The following PRPF19 variants were observed in gnomAD, a reference collection of about 807,000 sequenced individuals.
The protein encoded by PRPF19 is pre-mRNA-processing factor 19.
Under a neutral mutation model 64.2 loss-of-function variants are expected in PRPF19, and 2 were observed. That is an observed-to-expected ratio of 0.03 (90% CI 0.01 to 0.10). The LOEUF (loss-of-function observed/expected upper bound fraction) is 0.10, where lower values mean the gene tolerates loss of function less well. Among genes scored for constraint, PRPF19 ranks in the 10% least tolerant of loss-of-function variants. The probability of loss-of-function intolerance (pLI) is 1.00; values close to 1 mark genes in which losing one functional copy is unlikely to be tolerated. For synonymous variants in PRPF19, 226 were observed against 251.6 expected (o/e 0.90, Z 0.96); for missense variants, 314 against 650.0 (o/e 0.48, Z 5.62).
In PRPF19 at chr11:60,900,855, A is replaced by G. The variant is rs773232408; in HGVS notation, c.717T>C (p.Thr239=). ...LCPSDTNKIL[T]GGADKNVVVF... is the part of the protein sequence containing the mutation. ...GCCGGGCTAGGCCCAGACTCTCACC[A>G]GTGAGGATCTTGTTGGTGTCGGACG... The change falls in exon 9 of 16, where the codon ACT becomes ACC. Residue 239 remains threonine (T), a splice_region_variant and synonymous_variant. Transcript: ENST00000227524. 2.5e-6 allele frequency: 4 copies of G among 1,614,136 alleles called. No homozygotes were observed. Among genetic ancestry groups the G allele is most frequent in the Non-Finnish European group, 2.5e-6 (3 of 1,179,996 alleles).
intron 8 of PRPF19, 54 bp downstream of exon 8, chr11:60,901,241 C>T (rs1283316579): frequency 3.1e-6 from 5 of 1,597,216 alleles, no homozygotes; most frequent in Non-Finnish European, 4.3e-6. Flanking sequence ...CCCGCCCACC[C>T]CAGAAACAAA....
At chr11:60,901,163 C>A in intron 8 of PRPF19, 132 bp downstream of exon 8, 1 of 1,096,458 alleles carries the variant, frequency 9.1e-7, no homozygotes, top group Non-Finnish European at 1.3e-6. Context: ...GCAGCCCAGG[C>A]GAGAAACAGC....
rs769107268 is a variant in PRPF19, at chr11:60,897,834, A to G, written c.1417+12T>C. The G allele has an allele frequency of 1.2e-6, 2 of 1,611,372 alleles. No individual in the cohort carries two copies. Among genetic ancestry groups the G allele is most frequent in the South Asian group, 1.1e-5 (1 of 90,996 alleles). ...CCTAGAGAGATCCCAGGAGCCCAGG[A>G]CCAGCCTCTACCTGTAAAGTGAAGA... On this transcript the variant is annotated intron_variant, in intron 15 of 15. Transcript: ENST00000227524.
At chr11:60,893,348 A>G (rs1403505699) in intron 15 of PRPF19, among the ~76,000 whole-genome samples, 1 of 151,982 alleles carries the variant, frequency 6.6e-6, no homozygotes, top group African/African-American at 2.4e-5. Flanking sequence ...GTACAAAAAA[A>G]AAAAAATTAG....
At chr11:60,896,234 T>G (rs1422328001) in intron 15 of PRPF19, among the ~76,000 whole-genome samples, 1 of 152,182 alleles carries the variant, frequency 6.6e-6, no homozygotes, top group African/African-American at 2.4e-5. Flanking sequence ...TAAAAAAAAG[T>G]TAACTGTAAA....
Position 60,890,995 on chromosome 11 carries a change from G to A in PRPF19, c.*171C>T. On this transcript the variant is annotated 3_prime_UTR_variant, in exon 16 of 16. Coordinates refer to ENST00000227524, the MANE Select transcript of PRPF19 (RefSeq NM_014502.5). Reference sequence around the variant, plus strand: ...GGCCTGGAGTTGCATGGATGAGGGTGGTCCATGCCACCATGGTTCTCAGGC... The same window carrying A: ...GGCCTGGAGTTGCATGGATGAGGGTAGTCCATGCCACCATGGTTCTCAGGC... 2 of 626,312 alleles carry A rather than the reference G, an allele frequency of 3.2e-6. No individual in the cohort carries two copies. The highest frequency in any genetic ancestry group is 5.7e-6 in the Non-Finnish European group (2 of 349,506). The allele number at this position is 626,312 out of a possible 1,614,324, so 38.8% of individuals were successfully genotyped here. A position where few individuals can be genotyped will look rare whatever the true frequency, so the allele number is the denominator to read the frequency against.
chr11:60,900,865 T>C lies in PRPF19; in HGVS notation c.707A>G (p.Lys236Arg), dbSNP rs368154972. Reference protein sequence around the residue: ...ALDLCPSDTNKILTGGADKNV... With the variant: ...ALDLCPSDTNRILTGGADKNV... ...GCCCAGACTCTCACCAGTGAGGATC[T>C]TGTTGGTGTCGGACGGGCAGAGGTC... is the stretch of plus-strand genomic sequence containing the variant. The change falls in exon 9 of 16, where the codon AAG becomes AGG. Residue 236 changes from lysine to arginine, a missense_variant. Around this residue, in one of 7 missense-constraint regions of PRPF19, gnomAD observed 175 missense variants for 342.9 expected, o/e 0.51. Coordinates refer to ENST00000227524, the MANE Select transcript of PRPF19 (RefSeq NM_014502.5). 1.9e-5 allele frequency: 30 copies of C among 1,614,076 alleles called. No homozygotes were observed. The highest frequency in any genetic ancestry group is 1.3e-4 in the East Asian group (6 of 44,894).
At chr11:60,903,989 G>A in intron 1 of PRPF19, 128 bp from the exon 2 acceptor site, 1 of 1,182,398 alleles carries the variant, frequency 8.5e-7, no homozygotes, top group Non-Finnish European at 1.2e-6. Context: ...CAAGACATTT[G>A]ACCCTAAGCC....
chr11:60,904,001 G>T, intron 1 of PRPF19, 140 bp from the exon 2 acceptor site: 2 of 996,882 alleles, frequency 2.0e-6, no homozygotes, highest in East Asian at 2.8e-5. Flanking sequence ...CCCTAAGCCA[G>T]TTCTGTACTG....
chr11:60,898,762 T>C lies in PRPF19; in HGVS notation c.1054+100A>G, dbSNP rs1197497222. On this transcript the variant is annotated intron_variant, in intron 12 of 15. Transcript: ENST00000227524. This position sits in a 1 kb window ranked among gnomAD's most constrained non-coding sequence, Gnocchi z 4.6. Reference sequence around the variant, plus strand: ...GCCCGCACTAGACAGGTGCTCATGGTAAATATATCTTTAGAACAAATAAAC... The same window carrying C: ...GCCCGCACTAGACAGGTGCTCATGGCAAATATATCTTTAGAACAAATAAAC... The C allele has an allele frequency of 5.9e-6, 9 of 1,514,064 alleles. No homozygotes were observed. The African/African-American group carries it at 9.9e-5, about 17-fold the overall frequency. The allele number at this position is 1,514,064 out of a possible 1,614,324, so 93.8% of individuals were successfully genotyped here.
Position 60,898,885 on chromosome 11 carries a change from A to T in PRPF19, c.1031T>A (p.Val344Glu). 1 of 1,605,866 alleles carries T rather than the reference A, an allele frequency of 6.2e-7. No individual in the cohort carries two copies. Among genetic ancestry groups the T allele is most frequent in the Non-Finnish European group, 8.5e-7 (1 of 1,176,092 alleles). Residue 344 changes from valine (V) to glutamate (E), a missense_variant, in exon 12 of 16, where the codon GTG (valine) becomes GAG (glutamate). Physicochemically the swap from Val to Glu is moderately radical, Grantham distance 121. This residue lies in a region of PRPF19 where 175 missense variants were observed against 342.9 expected (regional missense o/e 0.51). Transcript: ENST00000227524. This position sits in a 1 kb window ranked among gnomAD's most constrained non-coding sequence, Gnocchi z 4.6. ...ACAGCAGCCGGAGGTCTCATCTGTCACCTTGGTGAGCACACGCCCTGTCTG... is the reference window on the plus strand; with the variant it reads ...ACAGCAGCCGGAGGTCTCATCTGTCTCCTTGGTGAGCACACGCCCTGTCTG... The part of the protein sequence containing the change: ...DIQTGRVLTK[V>E]TDETSGCSLT...
rs776807401 is a variant in PRPF19 at position 60,898,641 on chromosome 11, A to G, written c.1055-15T>C. On this transcript the variant is annotated splice_polypyrimidine_tract_variant and intron_variant, in intron 12 of 15. Coordinates refer to ENST00000227524, the MANE Select transcript of PRPF19 (RefSeq NM_014502.5). This position sits in a 1 kb window ranked among gnomAD's most constrained non-coding sequence, Gnocchi z 4.6. ...ACAGGTGAGAGCTGTGGAGGAGGGA[A>G]GAGAGACCTGTGGTCAGAGCCCACC... 3.1e-6 allele frequency: 5 copies of G among 1,614,040 alleles called. No individual in the cohort carries two copies. The highest frequency in any genetic ancestry group is 8.5e-7 in the Non-Finnish European group (1 of 1,179,986).
At chr11:60,895,380 T>C (rs1855908471) in intron 15 of PRPF19, among the ~76,000 whole-genome samples, 1 of 152,242 alleles carries the variant, frequency 6.6e-6, no homozygotes, top group Non-Finnish European at 1.5e-5. Context: ...CAACCTCTGC[T>C]AGCTTCAAAC....
rs1855973382 is a variant in PRPF19, at chr11:60,900,588, A to C, written c.822T>G (p.Pro274=). 1 of 1,550,740 alleles carries C rather than the reference A, an allele frequency of 6.4e-7. No individual in the cohort carries two copies. The highest frequency in any genetic ancestry group is 8.7e-7 in the Non-Finnish European group (1 of 1,145,482). The change falls in exon 10 of 16, where the codon CCT becomes CCG. Residue 274 remains proline, a synonymous_variant. Transcript: ENST00000227524. ...TKKVTSVVFH[P]SQDLVFSASP... ...GGCGAGGAGAACCCCTTACCTGGGAAGGGTGAAACACCACGCTGGTGACCT... is the reference window on the plus strand; with the variant it reads ...GGCGAGGAGAACCCCTTACCTGGGACGGGTGAAACACCACGCTGGTGACCT...
At position 60,906,407 on chromosome 11, in the gene PRPF19, G is replaced by C; in HGVS notation, c.-25C>G. On this transcript the variant is annotated 5_prime_UTR_variant, in exon 1 of 16. Coordinates refer to ENST00000227524, the MANE Select transcript of PRPF19 (RefSeq NM_014502.5). ...TGGCGCCGTCACCGTGCTCCGAGGC[G>C]CCACACGCCGGGCTCCGGGACTAGC... The C allele has an allele frequency of 6.4e-7, 1 of 1,560,450 alleles. No individual in the cohort carries two copies. Among genetic ancestry groups the C allele is most frequent in the Non-Finnish European group, 8.7e-7 (1 of 1,155,538 alleles).
chr11:60,906,468 T>C lies in PRPF19; in HGVS notation c.-86A>G. ...CCGCGAGCCACTTCCGGTCCCCCGC[T>C]GCTGCCGGGACTGCTCCGCGGCGAG... On this transcript the variant is annotated 5_prime_UTR_variant, in exon 1 of 16. Coordinates refer to ENST00000227524, the MANE Select transcript of PRPF19 (RefSeq NM_014502.5). 2.1e-6 allele frequency: 3 copies of C among 1,424,700 alleles called. No individual in the cohort carries two copies. The highest frequency in any genetic ancestry group is 2.9e-6 in the Non-Finnish European group (3 of 1,045,040). 88.3% of individuals were successfully genotyped at this position (1,424,700 alleles called of 1,614,324 possible). A position where few individuals can be genotyped will look rare whatever the true frequency, so the allele number is the denominator to read the frequency against.
In PRPF19 at chr11:60,906,448, A is replaced by G. The variant is rs946567560; in HGVS notation, c.-66T>C. The stretch of plus-strand genomic sequence containing the variant: ...CGGGACTAGCTTCTGAGCCTCCGCG[A>G]GCCACTTCCGGTCCCCCGCTGCTGC... On this transcript the variant is annotated 5_prime_UTR_variant, in exon 1 of 16. Coordinates refer to ENST00000227524, the MANE Select transcript of PRPF19 (RefSeq NM_014502.5). The G allele has an allele frequency of 1.3e-6, 2 of 1,506,286 alleles. No individual in the cohort carries two copies. Among genetic ancestry groups the G allele is most frequent in the Admixed American group, 2.0e-5 (1 of 50,616 alleles). The allele number at this position is 1,506,286 out of a possible 1,614,324, so 93.3% of individuals were successfully genotyped here.
chr11:60,893,712 T>C (rs1855888286), intron 15 of PRPF19, among the ~76,000 whole-genome samples: 1 of 152,094 alleles, frequency 6.6e-6, no homozygotes, highest in Non-Finnish European at 1.5e-5. Flanking sequence ...CCCAGCACTT[T>C]GGGAGGCCGA....
intron 1 of PRPF19, 147 bp downstream of exon 1, chr11:60,906,217 G>C (rs149032780): frequency 6.2e-6 from 8 of 1,280,846 alleles, no homozygotes; most frequent in East Asian, 2.9e-5. Flanking sequence ...CGACGGGGGG[G>C]GCTCCGGTGC....
Sources: gnomAD v4.1 joint callset for allele counts (sites outside exome capture counted in the v4.1 genomes callset) on GRCh38, gnomAD v4.1.1 for gene constraint, gnomAD v4.1.1 regional missense constraint, Gnocchi (gnomAD v3.1) non-coding constraint, MANE v1.5 for transcripts, NCBI Gene and HGNC (gene_info 2026-07-23, HGNC 2026-07-21) for gene names.